Variants in ATRNL1 observed in about 807,000 individuals in gnomAD.
The protein encoded by ATRNL1 is attractin like 1.
Under a neutral mutation model 182.7 loss-of-function variants are expected in ATRNL1, and 95 were observed. The observed-to-expected ratio is 0.52, with a 90% CI of 0.44 to 0.62. The LOEUF (loss-of-function observed/expected upper bound fraction) is 0.62. Among genes scored for constraint, ATRNL1 ranks in the 20% least tolerant of loss-of-function variants. ATRNL1 has a pLI of 0.00. For missense variants in ATRNL1, 1,471 were observed against 1,679.5 expected, an observed-to-expected ratio of 0.88 and a Z score of 2.17; for synonymous variants, 576 against 568.3, an observed-to-expected ratio of 1.01 and a Z score of -0.19.
At chr10:115,368,503 A>T (rs576365563) in intron 19 of ATRNL1, among the ~76,000 whole-genome samples, 3 of 152,210 alleles carry the variant, frequency 2.0e-5, no homozygotes, top group Non-Finnish European at 2.9e-5. Context: ...TCACGCTGGG[A>T]GCTGTAGACC....
Position 115,241,729 on chromosome 10 carries a change from T to G in ATRNL1, c.1687+4T>G. The G allele has an allele frequency of 6.2e-7, 1 of 1,607,020 alleles. No homozygotes were observed. The highest frequency in any genetic ancestry group is 8.5e-7 in the Non-Finnish European group (1 of 1,175,136). ...GATTTCCTGGCATATGACATAGGTA[T>G]GTATCTGTTAGGATTGTACAAAGTA... On this transcript the variant is annotated splice_donor_region_variant and intron_variant, in intron 10 of 28. Transcript: ENST00000355044.
At chr10:115,254,429 G>A (rs1851024726) in intron 10 of ATRNL1, among the ~76,000 whole-genome samples, 1 of 152,160 alleles carries the variant, frequency 6.6e-6, no homozygotes, top group African/African-American at 2.4e-5. Context: ...CTGCATAAAT[G>A]TCTTCTTTTG....
At chr10:115,400,922 G>A (rs1003582067) in intron 20 of ATRNL1, among the ~76,000 whole-genome samples, 1 of 151,656 alleles carries the variant, frequency 6.6e-6, no homozygotes, top group Non-Finnish European at 1.5e-5. Flanking sequence ...TTTTAATTGG[G>A]GGCATTTAAC....
intron 26 of ATRNL1, among the ~76,000 whole-genome samples, chr10:115,692,788 G>A (rs182604882): frequency 1.4e-3 from 217 of 152,078 alleles, no homozygotes; most frequent in African/African-American, 4.8e-3. Flanking sequence ...AAAACAAGTT[G>A]TAGTTGTAGA....
At chr10:115,686,214 C>T (rs554838204) in intron 26 of ATRNL1, among the ~76,000 whole-genome samples, 1 of 152,066 alleles carries the variant, frequency 6.6e-6, no homozygotes, top group East Asian at 1.9e-4. Flanking sequence ...ATTAATGCCA[C>T]ACTGTAAGCA....
intron 27 of ATRNL1, among the ~76,000 whole-genome samples, chr10:115,815,278 T>C (rs1228417278): frequency 6.6e-6 from 1 of 152,170 alleles, no homozygotes; most frequent in African/African-American, 2.4e-5. Flanking sequence ...TAGAAAAGTC[T>C]AGTTTTATTA....
At chr10:115,895,331 G>C (rs1011727402) in intron 28 of ATRNL1, among the ~76,000 whole-genome samples, 6 of 152,210 alleles carry the variant, frequency 3.9e-5, no homozygotes, top group African/African-American at 1.4e-4. Flanking sequence ...GGTATTTGTT[G>C]TCATTCAGTA....
Position 115,357,106 on chromosome 10 carries a change from G to A in ATRNL1, c.3175+22687G>A, listed in dbSNP as rs2134143421. Among the ~76,000 whole-genome samples, 2 of 152,000 alleles carry A rather than the reference G, an allele frequency of 1.3e-5. 1 individual carries two copies. The highest frequency in any genetic ancestry group is 4.1e-4 in the South Asian group (2 of 4,832). On this transcript the variant is annotated intron_variant, in intron 19 of 28. Transcript: ENST00000355044. Reference sequence around the variant, plus strand: ...ATGGCACTATTTGGTTTTTTAAAAAGTGATATAAGATGTTATGATTGAACT... The same window carrying A: ...ATGGCACTATTTGGTTTTTTAAAAAATGATATAAGATGTTATGATTGAACT...
chr10:115,615,870 T>G (rs537033443), intron 26 of ATRNL1, among the ~76,000 whole-genome samples: 1 of 152,278 alleles, frequency 6.6e-6, no homozygotes, highest in Admixed American at 6.5e-5. Context: ...TCACAGGTAT[T>G]TCTTTATAGC....
chr10:115,928,294 T>A (rs1953295608), intron 28 of ATRNL1, among the ~76,000 whole-genome samples: 1 of 152,070 alleles, frequency 6.6e-6, no homozygotes, highest in South Asian at 2.1e-4. Context: ...GAATGCAAAT[T>A]AAAGCTGTGC....
chr10:115,297,535 C>G (rs1390625372), intron 15 of ATRNL1, among the ~76,000 whole-genome samples: 2 of 151,560 alleles, frequency 1.3e-5, no homozygotes, highest in African/African-American at 2.4e-5. Flanking sequence ...GTCCCAGCTA[C>G]TCAGGAGGCC....
intron 24 of ATRNL1, among the ~76,000 whole-genome samples, chr10:115,482,360 G>T (rs543808109): frequency 1.3e-5 from 2 of 151,036 alleles, no homozygotes; most frequent in South Asian, 2.1e-4. Flanking sequence ...CTCTACAAGA[G>T]TTGCTTATTC....
intron 28 of ATRNL1, among the ~76,000 whole-genome samples, chr10:115,903,964 T>C (rs781854360): frequency 2.6e-5 from 4 of 152,006 alleles, no homozygotes; most frequent in Non-Finnish European, 5.9e-5. Flanking sequence ...GTGCAAGAGC[T>C]TTACTGGGGG....
chr10:115,399,702 CT>C (rs1565000460), intron 20 of ATRNL1, among the ~76,000 whole-genome samples: 1 of 151,764 alleles, frequency 6.6e-6, no homozygotes, highest in African/African-American at 2.4e-5. Flanking sequence ...TATTTCTTGT[CT>C]TCTGCTAGCT....
At chr10:115,878,134 A>T (rs1258946526) in intron 28 of ATRNL1, among the ~76,000 whole-genome samples, 1 of 152,198 alleles carries the variant, frequency 6.6e-6, no homozygotes, top group Non-Finnish European at 1.5e-5. Flanking sequence ...TGCTTTACAT[A>T]TGGTTCTGAT....
At chr10:115,330,689 T>C (rs1183541267) in intron 18 of ATRNL1, among the ~76,000 whole-genome samples, 1 of 150,776 alleles carries the variant, frequency 6.6e-6, no homozygotes, top group Non-Finnish European at 1.5e-5. Context: ...TTTTTTTTTT[T>C]TTCTCATGCT....
intron 24 of ATRNL1, among the ~76,000 whole-genome samples, chr10:115,481,577 T>G (rs1848771692): frequency 6.6e-6 from 1 of 150,814 alleles, no homozygotes; most frequent in South Asian, 2.1e-4. Flanking sequence ...ATGAGACTGG[T>G]CAATTTGACA....
intron 13 of ATRNL1, among the ~76,000 whole-genome samples, chr10:115,275,337 G>T (rs943388293): frequency 1.3e-5 from 2 of 152,118 alleles, no homozygotes; most frequent in Non-Finnish European, 2.9e-5. Context: ...GATGTTTTGG[G>T]TCTCCTGGAA....
intron 26 of ATRNL1, among the ~76,000 whole-genome samples, chr10:115,652,607 T>C (rs1283873505): frequency 2.0e-5 from 3 of 152,076 alleles, no homozygotes; most frequent in African/African-American, 4.8e-5. Context: ...GCTAGTAAAA[T>C]GTCTTTGATC....
Sources: allele counts gnomAD v4.1 joint callset (sites outside exome capture counted in the v4.1 genomes callset), GRCh38; gene constraint gnomAD v4.1.1; transcripts MANE v1.5; gene names NCBI Gene and HGNC (gene_info 2026-07-23, HGNC 2026-07-21).